The following TULP4 variants were observed in gnomAD, a reference collection of about 807,000 sequenced individuals.
TULP4 encodes tubby-related protein 4.
A neutral mutation model predicts 129.0 loss-of-function variants in TULP4; 16 were observed. The ratio of observed to expected loss-of-function variants is 0.12; its 90% CI spans 0.08 to 0.19. The LOEUF (loss-of-function observed/expected upper bound fraction) is 0.19, where lower values mean the gene tolerates loss of function less well. TULP4 is among the 10% of genes least tolerant of loss of function. The pLI, the probability that TULP4 is intolerant of heterozygous loss-of-function variation, is 1.00. For synonymous variants in TULP4, 998 were observed against 854.0 expected (o/e 1.17, Z -2.94); for missense variants, 1,842 against 2,059.1 (o/e 0.89, Z 2.04).
rs1374229714 is a variant in TULP4, at chr6:158,502,069, C to T, written c.2406C>T (p.Ala802=). The change falls in exon 13 of 14, where the codon GCC becomes GCT. Residue 802 remains alanine (A), a synonymous_variant. Transcript: ENST00000367097. ...ACCACGAACACCTGCAGAAGTCAGC[C>T]AAGGCCCTGCGGCCAACACCGCAGC... ...DRDHEHLQKS[A]KALRPTPQLA... is the part of the protein sequence containing the mutation. 4 of 1,613,008 alleles carry T rather than the reference C, an allele frequency of 2.5e-6. No individual in the cohort carries two copies. Among genetic ancestry groups the T allele is most frequent in the Non-Finnish European group, 3.4e-6 (4 of 1,179,506 alleles).
intron 1 of TULP4, among the ~76,000 whole-genome samples, chr6:158,273,191 A>G (rs891997854): frequency 6.6e-6 from 1 of 152,238 alleles, no homozygotes; most frequent in Non-Finnish European, 1.5e-5. Context: ...AAAAGAACAG[A>G]TAAGCTTCAG....
At chr6:158,415,323 T>TTTA (rs1778181819) in intron 2 of TULP4, among the ~76,000 whole-genome samples, 1 of 139,734 alleles carries the variant, frequency 7.2e-6, no homozygotes, top group Non-Finnish European at 1.7e-5. Flanking sequence ...TACTGTACTT[T>TTTA]TTATTATTTT....
chr6:158,502,550 G>A lies in TULP4; in HGVS notation c.2887G>A (p.Glu963Lys). The A allele has an allele frequency of 6.2e-7, 1 of 1,608,428 alleles. No individual in the cohort carries two copies. Among genetic ancestry groups the A allele is most frequent in the South Asian group, 1.1e-5 (1 of 91,082 alleles). Reference protein sequence around the residue: ...IPTGDPPPYPEIASQLAQGRG... With the variant: ...IPTGDPPPYPKIASQLAQGRG... ...CACCGGGGACCCACCCCCGTATCCT[G>A]AAATTGCCAGCCAGCTGGCCCAGGG... Residue 963 changes from glutamate to lysine, a missense_variant, in exon 13 of 14, where the codon GAA (glutamate) becomes AAA (lysine). By Grantham distance (56) the Glu-to-Lys change is moderately conservative. Transcript: ENST00000367097.
chr6:158,441,056 C>T (rs1312846611), intron 3 of TULP4, among the ~76,000 whole-genome samples: 1 of 152,150 alleles, frequency 6.6e-6, no homozygotes, highest in Non-Finnish European at 1.5e-5. Context: ...GTGGCTCATG[C>T]CTGTAATCTC....
At chr6:158,501,139 A>T (rs1255692517) in intron 12 of TULP4, among the ~76,000 whole-genome samples, 2 of 152,140 alleles carry the variant, frequency 1.3e-5, no homozygotes. Context: ...GATTCTTTTC[A>T]TTGTTTTTTC....
At chr6:158,397,007 T>G (rs1583833557) in intron 1 of TULP4, among the ~76,000 whole-genome samples, 1 of 152,122 alleles carries the variant, frequency 6.6e-6, no homozygotes, top group Admixed American at 6.6e-5. Context: ...TTATGGAAGG[T>G]GAGAAGGTTT....
Position 158,413,291 on chromosome 6 carries a change from C to A in TULP4, c.381+98C>A. The A allele has an allele frequency of 2.2e-6, 3 of 1,358,562 alleles. No individual in the cohort carries two copies. The highest frequency in any genetic ancestry group is 2.0e-6 in the Non-Finnish European group (2 of 1,019,378). 84.2% of individuals were successfully genotyped at this position (1,358,562 alleles called of 1,614,324 possible). A position where few individuals can be genotyped will look rare whatever the true frequency, so the allele number is the denominator to read the frequency against. ...AGTGCGTTAGCACCACACAGCGCCACGTGCTCCAGAGCTGGGGGAAGAGAA... is the reference window on the plus strand; with the variant it reads ...AGTGCGTTAGCACCACACAGCGCCAAGTGCTCCAGAGCTGGGGGAAGAGAA... On this transcript the variant is annotated intron_variant, in intron 2 of 13. Transcript: ENST00000367097. This position sits in a 1 kb window ranked among gnomAD's most constrained non-coding sequence, Gnocchi z 4.9.
At chr6:158,279,704 G>A (rs1045236448), upstream of TULP4, among the ~76,000 whole-genome samples, 1 of 152,206 alleles carries the variant, frequency 6.6e-6, no homozygotes, top group Non-Finnish European at 1.5e-5. Flanking sequence ...AATTGGGAAC[G>A]TGTCCTTGGC....
intron 1 of TULP4, among the ~76,000 whole-genome samples, chr6:158,268,896 T>C (rs923785611): frequency 6.6e-6 from 1 of 152,236 alleles, no homozygotes; most frequent in African/African-American, 2.4e-5. Flanking sequence ...CATCTTTGGC[T>C]TAATCCTCCC....
At chr6:158,367,297 G>A (rs1776940350) in intron 1 of TULP4, among the ~76,000 whole-genome samples, 1 of 152,184 alleles carries the variant, frequency 6.6e-6, no homozygotes, top group South Asian at 2.1e-4. Context: ...GCCCAGAGGG[G>A]ACTCAAGAGG....
At chr6:158,486,446 A>C (rs1038029018) in intron 8 of TULP4, among the ~76,000 whole-genome samples, 1 of 152,094 alleles carries the variant, frequency 6.6e-6, no homozygotes, top group Non-Finnish European at 1.5e-5. Context: ...CCAGCTACTC[A>C]GGAGGCTGAG....
intron 1 of TULP4, among the ~76,000 whole-genome samples, chr6:158,326,110 A>G (rs1779740869): frequency 6.6e-6 from 1 of 152,242 alleles, no homozygotes; most frequent in African/African-American, 2.4e-5. Context: ...GTTATTATTC[A>G]GTGTTTACAC....
intron 1 of TULP4, among the ~76,000 whole-genome samples, chr6:158,254,745 C>T (rs963363381): frequency 3.3e-5 from 5 of 152,186 alleles, no homozygotes; most frequent in African/African-American, 4.8e-5. Flanking sequence ...AAGCAGAAGT[C>T]TTGAGACTTG....
At chr6:158,359,363 A>C (rs1289647973) in intron 1 of TULP4, among the ~76,000 whole-genome samples, 1 of 152,204 alleles carries the variant, frequency 6.6e-6, no homozygotes, top group East Asian at 1.9e-4. Context: ...AATAGGACAG[A>C]TGTATGTTAA....
chr6:158,410,771 T>TA lies in TULP4; in HGVS notation c.253-2285dup, dbSNP rs949866103. Among the ~76,000 whole-genome samples, 276 of 151,802 alleles carry TA rather than the reference T, an allele frequency of 1.8e-3. 2 individuals carry two copies. The highest frequency in any genetic ancestry group is 6.2e-3 in the African/African-American group (256 of 41,414). The stretch of plus-strand genomic sequence containing the variant: ...GACTTTTGTTGATGTTGGTCTAACT[T>TA]AAAAAAAAATCAGTAATTCTAATAC... On this transcript the variant is annotated intron_variant, in intron 1 of 13. Coordinates refer to ENST00000367097, the MANE Select transcript of TULP4 (RefSeq NM_020245.5).
At chr6:158,281,867 T>A (rs1002232113), upstream of TULP4, among the ~76,000 whole-genome samples, 1 of 152,196 alleles carries the variant, frequency 6.6e-6, no homozygotes, top group African/African-American at 2.4e-5. Context: ...TAGTGCTTCA[T>A]TGGTGACTTT....
chr6:158,240,597 C>T lies in TULP4; in HGVS notation n.68+8294C>T, dbSNP rs1328235442. 1.1e-3 allele frequency among the ~76,000 whole-genome samples: 107 copies of T among 94,394 alleles called. 18 individuals are homozygous for T. The highest frequency in any genetic ancestry group is 2.9e-4 in the Non-Finnish European group (12 of 41,802). 61.9% of individuals were successfully genotyped at this position (94,394 alleles called of 152,430 possible). On this transcript the variant is annotated intron_variant and non_coding_transcript_variant, in intron 1 of 1. Transcript: ENST00000620026. ...CTCCTCACTTCCCAGTAGGGGCGGC[C>T]GGGCAGAGGCGCCCCTCACCTCCCA...
At chr6:158,269,746 T>C (rs555037135) in intron 1 of TULP4, among the ~76,000 whole-genome samples, 1 of 152,368 alleles carries the variant, frequency 6.6e-6, no homozygotes, top group South Asian at 2.1e-4. Context: ...CACTTTACTA[T>C]GTGGGCAGGT....
At chr6:158,481,325 T>A in intron 8 of TULP4, 36 bp downstream of exon 8, 3 of 1,580,896 alleles carry the variant, frequency 1.9e-6, no homozygotes, top group Non-Finnish European at 2.6e-6. Context: ...GACCTTGTTC[T>A]CCTGTGGTCA....
Sources: allele counts gnomAD v4.1 joint callset (sites outside exome capture counted in the v4.1 genomes callset), GRCh38; gene constraint gnomAD v4.1.1; non-coding constraint Gnocchi (gnomAD v3.1); transcripts MANE v1.5; gene names NCBI Gene and HGNC (gene_info 2026-07-23, HGNC 2026-07-21).